GGTA1: variants seen among roughly 807,000 people sequenced by gnomAD.
The protein encoded by GGTA1 is inactive N-acetyllactosaminide alpha-1,3-galactosyltransferase.
In GGTA1, 5 loss-of-function variants were observed where a neutral mutation model predicts 2.6. The ratio of observed to expected loss-of-function variants is 1.92; its 90% confidence interval spans 1.00 to 4.04. The LOEUF (loss-of-function observed/expected upper bound fraction) is 4.04, where lower values mean the gene tolerates loss of function less well. Ranked by LOEUF, GGTA1 falls within the 30% of genes most tolerant of loss-of-function variation. The pLI, the probability that GGTA1 is intolerant of heterozygous loss-of-function variation, is 0.00. For missense variants in GGTA1, 50 were observed against 16.7 expected (o/e 2.99, Z -3.47); for synonymous variants, 17 against 5.0 (o/e 3.38, Z -3.19).
At chr9:121,453,307 G>GA (rs140741889), downstream of GGTA1, among the ~76,000 whole-genome samples, 1,280 of 152,366 alleles carry the variant, frequency 8.4e-3, 19 homozygotes, top group African/African-American at 0.029. Flanking sequence ...CAAAAGGGGT[G>GA]AGAGGGAGGG....
Position 121,496,913 on chromosome 9 carries a change from C to G in GGTA1, c.-10+2737G>C, listed in dbSNP as rs1829007105. On this transcript the variant is annotated intron_variant, in intron 1 of 5. Transcript: ENST00000481799. Reference sequence around the variant, plus strand: ...CACGTAAGATTTGTAGGTTTTACAACTGGGCATGGTGGCTCACACCTGTAA... The same window carrying G: ...CACGTAAGATTTGTAGGTTTTACAAGTGGGCATGGTGGCTCACACCTGTAA... 3.3e-5 allele frequency among the ~76,000 whole-genome samples: 5 copies of G among 151,970 alleles called. No homozygotes were observed. The South Asian group carries it at 8.3e-4, about 25-fold the overall frequency.
chr9:121,468,394 C>T (rs1828303912), intron 1 of GGTA1, among the ~76,000 whole-genome samples: 1 of 152,130 alleles, frequency 6.6e-6, no homozygotes. Context: ...GTATATGTGC[C>T]ACATTTTCTT....
downstream of GGTA1, among the ~76,000 whole-genome samples, chr9:121,452,585 C>T (rs968093587): frequency 4.6e-5 from 7 of 152,068 alleles, no homozygotes; most frequent in Admixed American, 4.6e-4. Context: ...GTGGCAGGAT[C>T]TTGGCTCACT....
downstream of GGTA1, chr9:121,452,411 C>T (rs1376633139): frequency 6.6e-6 from 1 of 152,592 alleles, no homozygotes; most frequent in Non-Finnish European, 1.5e-5. Context: ...TAGCTTAACG[C>T]CAAACACTTG....
chr9:121,460,187 A>G lies in GGTA1; in HGVS notation c.215T>C (p.Ile72Thr), dbSNP rs1464213193. 6.6e-6 allele frequency: 3 copies of G among 456,804 alleles called. No individual in the cohort carries two copies. The highest frequency in any genetic ancestry group is 2.0e-5 in the African/African-American group (1 of 50,002). 28.3% of individuals were successfully genotyped at this position (456,804 alleles called of 1,614,324 possible). A position where few individuals can be genotyped will look rare whatever the true frequency, so the allele number is the denominator to read the frequency against. The stretch of plus-strand genomic sequence containing the variant: ...CTCCTCTCTTCCTTTTTCTTTGTCT[A>G]TGTCTTCTTCCCCTTGTTGATAATT... ...IHNYQQGEED[I>T]DKEKGREETK... Residue 72 changes from isoleucine to threonine, a missense_variant, in exon 5 of 6, where the codon ATA (isoleucine) becomes ACA (threonine). Physicochemically the swap from Ile to Thr is moderately conservative, Grantham distance 89. Transcript: ENST00000481799.
chr9:121,478,077 A>G (rs984756806), intron 1 of GGTA1, among the ~76,000 whole-genome samples: 1 of 152,232 alleles, frequency 6.6e-6, no homozygotes, highest in Non-Finnish European at 1.5e-5. Context: ...ACAGAGGCTC[A>G]GAAAGGTGAA....
intron 1 of GGTA1, among the ~76,000 whole-genome samples, chr9:121,496,058 C>T (rs1184738639): frequency 6.6e-6 from 1 of 152,210 alleles, no homozygotes; most frequent in Admixed American, 6.5e-5. Context: ...AGAGACTAAC[C>T]TGTTATGTGA....
At chr9:121,452,327 T>C (rs982818655), downstream of GGTA1, 1 of 152,556 alleles carries the variant, frequency 6.6e-6, no homozygotes, top group African/African-American at 2.4e-5. Flanking sequence ...AGCTTTGCCA[T>C]TGTGGGGCAG....
At chr9:121,447,264 G>A (rs112056915) in exon 8 of GGTA1, 3,227 of 152,626 alleles carry the variant, frequency 0.021, 37 homozygotes, top group Non-Finnish European at 0.031. Context: ...GCCTTGTACC[G>A]CCAGCCTGTA....
chr9:121,496,731 CAAAAAAAA>C (rs772847384), intron 1 of GGTA1, among the ~76,000 whole-genome samples: 929 of 31,174 alleles, frequency 0.03, 10 homozygotes, highest in African/African-American at 0.11. Flanking sequence ...GGCTCCATCT[CAAAAAAAA>C]AAAAAAAAAA....
At chr9:121,470,246 T>C (rs1828360074) in intron 1 of GGTA1, among the ~76,000 whole-genome samples, 1 of 152,198 alleles carries the variant, frequency 6.6e-6, no homozygotes, top group Admixed American at 6.5e-5. Context: ...AAAATATACC[T>C]TGGCAAGAGA....
intron 1 of GGTA1, among the ~76,000 whole-genome samples, chr9:121,486,042 AGGTG>A (rs1007791195): frequency 6.6e-6 from 1 of 152,220 alleles, no homozygotes; most frequent in Non-Finnish European, 1.5e-5. Flanking sequence ...ACAAAGGTTT[AGGTG>A]GAAACTTCTA....
intron 1 of GGTA1, among the ~76,000 whole-genome samples, chr9:121,472,077 C>T (rs894797384): frequency 6.6e-6 from 1 of 152,156 alleles, no homozygotes; most frequent in Non-Finnish European, 1.5e-5. Context: ...CTCTGAAAAC[C>T]CAACACCTTT....
downstream of GGTA1, among the ~76,000 whole-genome samples, chr9:121,454,327 G>A (rs935661212): frequency 1.3e-5 from 2 of 152,170 alleles, no homozygotes; most frequent in African/African-American, 4.8e-5. Flanking sequence ...TCATGTCCAT[G>A]GTCCAGGTAA....
intron 5 of GGTA1, among the ~76,000 whole-genome samples, chr9:121,458,888 C>A (rs2064936555): frequency 6.6e-6 from 1 of 152,240 alleles, no homozygotes; most frequent in East Asian, 1.9e-4. Context: ...CTTTGGGGAC[C>A]ATCTCTGGCC....
chr9:121,484,011 T>C (rs1400064072), intron 1 of GGTA1, among the ~76,000 whole-genome samples: 1 of 152,124 alleles, frequency 6.6e-6, no homozygotes, highest in Non-Finnish European at 1.5e-5. Flanking sequence ...ATAATCATAA[T>C]CCCCACCTCT....
chr9:121,451,594 C>G (rs552935652), downstream of GGTA1, among the ~76,000 whole-genome samples: 1 of 152,256 alleles, frequency 6.6e-6, no homozygotes, highest in South Asian at 2.1e-4. Context: ...CAAGCTCTGA[C>G]CAGCAAATCT....
intron 1 of GGTA1, among the ~76,000 whole-genome samples, chr9:121,478,779 C>T (rs190619272): frequency 6.6e-6 from 1 of 152,326 alleles, no homozygotes; most frequent in African/African-American, 2.4e-5. Flanking sequence ...TGCTTTCTCT[C>T]GAATCCCCTT....
intron 5 of GGTA1, 90 bp downstream of exon 5, chr9:121,460,014 T>A: frequency 1.2e-5 from 5 of 417,556 alleles, no homozygotes; most frequent in Non-Finnish European, 2.4e-5. Context: ...AAATCAGGAA[T>A]GTTCTCAATG....
Sources: allele counts gnomAD v4.1 joint callset (sites outside exome capture counted in the v4.1 genomes callset), GRCh38; gene constraint gnomAD v4.1.1; transcripts MANE v1.5; gene names NCBI Gene and HGNC (gene_info 2026-07-23, HGNC 2026-07-21).